FDFT1: variants seen among roughly 807,000 people sequenced by gnomAD.
The protein encoded by FDFT1 is farnesyl-diphosphate farnesyltransferase 1, also known as squalene synthase.
A neutral mutation model predicts 46.8 loss-of-function variants in FDFT1; 68 were observed. The observed-to-expected ratio is 1.45, with a 90% CI of 1.19 to 1.78. The LOEUF is 1.78. Ranked by LOEUF, FDFT1 falls within the 40% of genes most tolerant of loss-of-function variation. FDFT1 has a pLI of 0.00. For synonymous variants in FDFT1, 351 were observed against 185.1 expected (o/e 1.90, Z -7.28); for missense variants, 928 against 524.4 (o/e 1.77, Z -7.52).
Position 11,808,239 on chromosome 8 carries a change from C to T in FDFT1, c.100-555C>T, listed in dbSNP as rs914037787. On this transcript the variant is annotated intron_variant, in intron 1 of 7. Coordinates refer to ENST00000220584, the MANE Select transcript of FDFT1 (RefSeq NM_004462.5). ...CAGCGGAGCCCGAGTAGAGTTTGGT[C>T]TAGGGAGACTCTGTCACTGGGAGGA... The T allele has an allele frequency of 9.2e-6, 11 of 1,194,986 alleles. No individual in the cohort carries two copies. In the East Asian group the frequency reaches 1.1e-4, roughly 11 times the overall value. 74.0% of individuals were successfully genotyped at this position (1,194,986 alleles called of 1,614,324 possible).
chr8:11,805,300 T>C (rs942453175), intron 1 of FDFT1, among the ~76,000 whole-genome samples: 4 of 152,182 alleles, frequency 2.6e-5, no homozygotes, highest in African/African-American at 9.7e-5. Flanking sequence ...CATTTGGCTA[T>C]AGAATTTCAG....
intron 3 of FDFT1, among the ~76,000 whole-genome samples, chr8:11,817,058 T>G (rs1481265469): frequency 6.6e-6 from 1 of 152,238 alleles, no homozygotes; most frequent in Non-Finnish European, 1.5e-5. Context: ...ATATCTAGTT[T>G]ACTGAGAGTT....
intron 3 of FDFT1, among the ~76,000 whole-genome samples, chr8:11,814,965 C>G (rs984112470): frequency 6.6e-6 from 1 of 152,076 alleles, no homozygotes. Flanking sequence ...GTTTGCTACA[C>G]CCATCAACTC....
At chr8:11,797,280 A>G (rs1032012653), upstream of FDFT1, among the ~76,000 whole-genome samples, 71 of 152,230 alleles carry the variant, frequency 4.7e-4, no homozygotes, top group Middle Eastern at 3.4e-3. Context: ...GCGGTTGTTT[A>G]AGCCATGGTT....
upstream of FDFT1, among the ~76,000 whole-genome samples, chr8:11,799,930 G>C (rs981743788): frequency 8.8e-5 from 12 of 135,604 alleles, no homozygotes; most frequent in African/African-American, 3.4e-4. Context: ...TCACGACAGA[G>C]TGAGACTCCA....
At chr8:11,799,100 AT>A (rs2130629587), upstream of FDFT1, among the ~76,000 whole-genome samples, 1 of 152,360 alleles carries the variant, frequency 6.6e-6, no homozygotes, top group South Asian at 2.1e-4. Context: ...TATGACCCAT[AT>A]TCACTTTGGG....
chr8:11,835,415 T>A (rs1243697684), intron 7 of FDFT1, among the ~76,000 whole-genome samples: 1 of 152,186 alleles, frequency 6.6e-6, no homozygotes, highest in Non-Finnish European at 1.5e-5. Flanking sequence ...CTGTCATGCT[T>A]ATATGTTAGA....
intron 4 of FDFT1, among the ~76,000 whole-genome samples, chr8:11,824,632 T>G (rs1809713079): frequency 6.6e-6 from 1 of 152,154 alleles, no homozygotes; most frequent in African/African-American, 2.4e-5. Flanking sequence ...TTGGGCAAGT[T>G]AAATCGACTT....
intron 4 of FDFT1, among the ~76,000 whole-genome samples, chr8:11,824,594 A>AT (rs965888839): frequency 2.5e-4 from 27 of 109,954 alleles, no homozygotes; most frequent in South Asian, 1.6e-3. Context: ...TGCCTGGCTA[A>AT]TTTTTTTTTT....
At chr8:11,803,160 C>G in intron 1 of FDFT1, 2 of 1,425,198 alleles carry the variant, frequency 1.4e-6, no homozygotes, top group South Asian at 1.4e-5. Context: ...GCATGAGCGA[C>G]TTTTGCGTGG....
At chr8:11,832,575 A>AAGAAAAAAAAAAAAAAAAAAT in intron 7 of FDFT1, among the ~76,000 whole-genome samples, 1 of 139,868 alleles carries the variant, frequency 7.1e-6, no homozygotes, top group Non-Finnish European at 1.5e-5. Context: ...AAAAAAAAAA[A>AAGAAAAAAAAAAAAAAAAAAT]AGTCTTAGAG....
chr8:11,816,600 A>C (rs1224866170), intron 3 of FDFT1, among the ~76,000 whole-genome samples: 1 of 151,966 alleles, frequency 6.6e-6, no homozygotes. Context: ...TGTAAGTTGG[A>C]TTCCTAGGTG....
rs189724984 is a variant in FDFT1, at chr8:11,796,204, T to C, written c.-94+193T>C. 2.5e-4 allele frequency among the ~76,000 whole-genome samples: 38 copies of C among 152,302 alleles called. 1 individual carries two copies. The highest frequency in any genetic ancestry group is 7.8e-4 in the Admixed American group (12 of 15,306). On this transcript the variant is annotated intron_variant, in intron 1 of 7. Transcript: ENST00000538689. ...GCCAAATCCTACTGTAATGGGAGTA[T>C]GTAAAGTGTTTCTGTTAATGGAAAA...
At chr8:11,834,503 C>G (rs1811276231) in intron 7 of FDFT1, among the ~76,000 whole-genome samples, 2 of 152,164 alleles carry the variant, frequency 1.3e-5, no homozygotes, top group South Asian at 4.1e-4. Context: ...TCTTTGAGCC[C>G]CAGGTGCCTA....
At chr8:11,807,135 T>A (rs1480962722) in intron 1 of FDFT1, among the ~76,000 whole-genome samples, 1 of 152,160 alleles carries the variant, frequency 6.6e-6, no homozygotes, top group Non-Finnish European at 1.5e-5. Context: ...CATATTTTTT[T>A]AACCACTCCT....
chr8:11,814,383 A>G (rs576565054), intron 3 of FDFT1, among the ~76,000 whole-genome samples: 24 of 148,076 alleles, frequency 1.6e-4, no homozygotes, highest in Non-Finnish European at 3.1e-4. Context: ...TATTCCTGGT[A>G]TGTTGCAATC....
intron 5 of FDFT1, among the ~76,000 whole-genome samples, chr8:11,826,427 C>A (rs1437186901): frequency 6.6e-6 from 1 of 152,186 alleles, no homozygotes; most frequent in Admixed American, 6.5e-5. Context: ...ATATTCAAGC[C>A]TTGCTGTCCT....
chr8:11,808,552 C>T (rs930789398), intron 1 of FDFT1: 3 of 1,365,706 alleles, frequency 2.2e-6, no homozygotes, highest in Non-Finnish European at 2.8e-6. Context: ...AAGGCCATGG[C>T]CCTCTTCAAG....
chr8:11,821,840 T>G lies in FDFT1; in HGVS notation c.472T>G (p.Leu158Val). 1 of 1,613,638 alleles carries G rather than the reference T, an allele frequency of 6.2e-7. No homozygotes were observed. The change falls in exon 4 of 8, where the codon TTG becomes GTG. Residue 158 changes from leucine (L) to valine (V), a missense_variant. Coordinates refer to ENST00000220584, the MANE Select transcript of FDFT1 (RefSeq NM_004462.5). ...RRMGIGMAEFLDKHVTSEQEW... is the reference protein window; with the variant it reads ...RRMGIGMAEFVDKHVTSEQEW... ...AATGGGCATTGGGATGGCAGAGTTT[T>G]TGGATAAGCATGTGACCTCTGAACA...
Sources: gnomAD v4.1 joint callset for allele counts (sites outside exome capture counted in the v4.1 genomes callset) on GRCh38, gnomAD v4.1.1 for gene constraint, MANE v1.5 for transcripts, NCBI Gene and HGNC (gene_info 2026-07-23, HGNC 2026-07-21) for gene names.